Variants in LMCD1 observed in about 807,000 individuals in gnomAD.
The protein encoded by LMCD1 is LIM and cysteine-rich domains protein 1.
LMCD1 carries 32 observed loss-of-function variants against 42.7 expected under a neutral mutation model. The observed-to-expected ratio is 0.75, with a 90% CI of 0.57 to 1.01. LMCD1 has a LOEUF of 1.01. LMCD1 is among the 50% of genes least tolerant of loss of function. The pLI, the probability that LMCD1 is intolerant of heterozygous loss-of-function variation, is 0.00. For synonymous variants in LMCD1, 178 were observed against 184.9 expected, an observed-to-expected ratio of 0.96 and a Z score of 0.30; for missense variants, 458 against 483.1, an observed-to-expected ratio of 0.95 and a Z score of 0.49.
rs988291584 is a variant in LMCD1, at chr3:8,568,673, C to T, written c.*1075C>T. The T allele has an allele frequency of 2.6e-5, 4 of 152,286 alleles. No individual in the cohort carries two copies. Among genetic ancestry groups the T allele is most frequent in the East Asian group, 1.9e-4 (1 of 5,190 alleles). The allele number at this position is 152,286 out of a possible 1,614,324, so 9.4% of individuals were successfully genotyped here. A position where few individuals can be genotyped will look rare whatever the true frequency, so the allele number is the denominator to read the frequency against. ...TGCCAACTAAACATTGAATGAGTCA[C>T]GTAGAATAGGTCTTTGGGCCAAATT... On this transcript the variant is annotated 3_prime_UTR_variant, in exon 6 of 6. Transcript: ENST00000157600.
At chr3:8,560,122 A>G (rs1303865863) in intron 4 of LMCD1, among the ~76,000 whole-genome samples, 1 of 152,222 alleles carries the variant, frequency 6.6e-6, no homozygotes, top group South Asian at 2.1e-4. Flanking sequence ...GTAACGGGTT[A>G]GGTGCAGTGG....
intron 1 of LMCD1, among the ~76,000 whole-genome samples, chr3:8,512,264 A>G (rs1192824022): frequency 2.6e-5 from 4 of 152,222 alleles, no homozygotes. Context: ...CATCAAAACA[A>G]TTTCTTTCAC....
At chr3:8,535,065 G>A (rs899885004) in intron 2 of LMCD1, among the ~76,000 whole-genome samples, 4 of 152,176 alleles carry the variant, frequency 2.6e-5, no homozygotes, top group African/African-American at 9.7e-5. Context: ...TATTGGGGAG[G>A]TCAGAAGGTC....
At chr3:8,514,694 A>G (rs114054142) in intron 1 of LMCD1, among the ~76,000 whole-genome samples, 4 of 152,232 alleles carry the variant, frequency 2.6e-5, no homozygotes. Flanking sequence ...AAAATCTAAT[A>G]TATGTAACAA....
intron 3 of LMCD1, among the ~76,000 whole-genome samples, chr3:8,546,722 G>C (rs1478424281): frequency 6.6e-6 from 1 of 152,210 alleles, no homozygotes; most frequent in African/African-American, 2.4e-5. Flanking sequence ...GGAAAGAAGA[G>C]AGAGGGCTTT....
chr3:8,568,525 G>A lies in LMCD1; in HGVS notation c.*927G>A, dbSNP rs371735656. ...ACATGGGATGTGGTGACTAATGTGGGCAGATCTTTAAAAATACAGCACTTT... is the reference window on the plus strand; with the variant it reads ...ACATGGGATGTGGTGACTAATGTGGACAGATCTTTAAAAATACAGCACTTT... On this transcript the variant is annotated 3_prime_UTR_variant, in exon 6 of 6. Transcript: ENST00000157600. 6.6e-6 allele frequency: 1 copy of A among 152,286 alleles called. No individual in the cohort carries two copies. The highest frequency in any genetic ancestry group is 1.9e-4 in the East Asian group (1 of 5,190). The allele number at this position is 152,286 out of a possible 1,614,324, so 9.4% of individuals were successfully genotyped here.
chr3:8,565,336 A>G, intron 4 of LMCD1, 96 bp from the exon 5 acceptor site: 1 of 1,076,322 alleles, frequency 9.3e-7, no homozygotes, highest in Non-Finnish European at 1.4e-6. Flanking sequence ...GCCCAAGGTC[A>G]CCCAGGAAGT....
chr3:8,537,604 G>A (rs6784343), intron 3 of LMCD1, 164 bp downstream of exon 3: 70,905 of 739,780 alleles, frequency 0.096, 4,044 homozygotes, highest in South Asian at 0.2. Flanking sequence ...GTGATGTTGA[G>A]AAATGAAGAC....
intron 2 of LMCD1, among the ~76,000 whole-genome samples, chr3:8,534,479 C>T (rs1042643533): frequency 5.9e-5 from 9 of 152,178 alleles, no homozygotes; most frequent in African/African-American, 2.2e-4. Context: ...CTTGCAGGTC[C>T]TGCATATCAA....
intron 1 of LMCD1, among the ~76,000 whole-genome samples, chr3:8,522,196 G>C (rs948098214): frequency 1.3e-5 from 2 of 152,172 alleles, no homozygotes; most frequent in African/African-American, 2.4e-5. Context: ...TTTATAGCCA[G>C]ATTAACCCCT....
At chr3:8,513,106 T>TA (rs1694032766) in intron 1 of LMCD1, among the ~76,000 whole-genome samples, 1 of 152,240 alleles carries the variant, frequency 6.6e-6, no homozygotes, top group Non-Finnish European at 1.5e-5. Context: ...TATTTTGAGC[T>TA]AAAATTTCTC....
At chr3:8,521,891 G>T (rs73130044) in intron 1 of LMCD1, among the ~76,000 whole-genome samples, 7,058 of 152,100 alleles carry the variant, frequency 0.046, 290 homozygotes, top group African/African-American at 0.1. Context: ...TTTTGGTTTT[G>T]GTTTTTGTTT....
At chr3:8,503,680 T>A in intron 1 of LMCD1, among the ~76,000 whole-genome samples, 1 of 152,198 alleles carries the variant, frequency 6.6e-6, no homozygotes, top group South Asian at 2.1e-4. Flanking sequence ...AAGACCACAC[T>A]GTTTGCATAG....
rs773227422 is a variant in LMCD1, at chr3:8,548,729, A to G, written c.549A>G (p.Glu183=). 3.1e-6 allele frequency: 5 copies of G among 1,614,184 alleles called. No individual in the cohort carries two copies. The highest frequency in any genetic ancestry group is 4.2e-6 in the Non-Finnish European group (5 of 1,180,028). ...GLLENELKLM[E]EFVKQYKSEA... ...TGGAGAATGAGTTGAAACTGATGGAAGAATTTGTCAAGCAATATAAGAGCG... is the reference window on the plus strand; with the variant it reads ...TGGAGAATGAGTTGAAACTGATGGAGGAATTTGTCAAGCAATATAAGAGCG... The change falls in exon 4 of 6, where the codon GAA becomes GAG. Residue 183 remains glutamate (E), a synonymous_variant. Coordinates refer to ENST00000157600, the MANE Select transcript of LMCD1 (RefSeq NM_014583.4).
intron 1 of LMCD1, among the ~76,000 whole-genome samples, chr3:8,502,369 A>T (rs9856901): frequency 0.072 from 1,724 of 23,784 alleles, 19 homozygotes; most frequent in East Asian, 0.2. Context: ...ATATTATATA[A>T]AATATATATA....
chr3:8,504,751 A>G (rs1693843963), intron 1 of LMCD1, among the ~76,000 whole-genome samples: 1 of 152,204 alleles, frequency 6.6e-6, no homozygotes, highest in Non-Finnish European at 1.5e-5. Context: ...AAGGTTTCCT[A>G]GCACAGACAG....
chr3:8,507,137 A>G (rs1383435080), intron 1 of LMCD1, among the ~76,000 whole-genome samples: 2 of 152,232 alleles, frequency 1.3e-5, no homozygotes, highest in Non-Finnish European at 2.9e-5. Context: ...GGACTCCTTC[A>G]AGAGCACAAC....
chr3:8,538,138 A>T (rs1694546484), intron 3 of LMCD1, among the ~76,000 whole-genome samples: 1 of 152,180 alleles, frequency 6.6e-6, no homozygotes, highest in Non-Finnish European at 1.5e-5. Flanking sequence ...CCAAATCATC[A>T]GATGTGACCA....
At chr3:8,537,487 A>G in intron 3 of LMCD1, 47 bp downstream of exon 3, 4 of 1,500,590 alleles carry the variant, frequency 2.7e-6, no homozygotes, top group Non-Finnish European at 2.7e-6. Context: ...ATCCTCATAA[A>G]TACTAGCCAT....
Sources: gnomAD v4.1 joint callset for allele counts (sites outside exome capture counted in the v4.1 genomes callset) on GRCh38, gnomAD v4.1.1 for gene constraint, MANE v1.5 for transcripts, NCBI Gene and HGNC (gene_info 2026-07-23, HGNC 2026-07-21) for gene names.